The following MYRFL variants were observed in gnomAD, a reference collection of about 807,000 sequenced individuals.
The protein encoded by MYRFL is myelin regulatory factor like.
In MYRFL, 88 loss-of-function variants were observed where a neutral mutation model predicts 109.4. The observed-to-expected ratio is 0.80, with a 90% confidence interval of 0.68 to 0.96. The LOEUF (loss-of-function observed/expected upper bound fraction) is 0.96, where lower values mean the gene tolerates loss of function less well. Ranked by LOEUF, MYRFL falls within the 40% of genes least tolerant of loss-of-function variation. MYRFL has a pLI of 0.00. For synonymous variants in MYRFL, 324 were observed against 320.9 expected (o/e 1.01, Z -0.10); for missense variants, 957 against 954.9 (o/e 1.00, Z -0.03).
intron 19 of MYRFL, among the ~76,000 whole-genome samples, chr12:69,942,619 C>T (rs1469882750): frequency 2.7e-5 from 4 of 150,042 alleles, no homozygotes; most frequent in Non-Finnish European, 4.4e-5. Flanking sequence ...CCTTTGAAAA[C>T]TGGCACAAGA....
At chr12:69,883,438 A>G (rs1439737263) in intron 5 of MYRFL, among the ~76,000 whole-genome samples, 1 of 152,194 alleles carries the variant, frequency 6.6e-6, no homozygotes, top group Admixed American at 6.5e-5. Flanking sequence ...AAAAGATACC[A>G]AATGGCCATC....
chr12:69,869,061 C>T (rs924351786), intron 2 of MYRFL, among the ~76,000 whole-genome samples: 2 of 152,258 alleles, frequency 1.3e-5, no homozygotes, highest in South Asian at 2.1e-4. Flanking sequence ...AAAGTTCATG[C>T]GGAAAGATAA....
intron 5 of MYRFL, among the ~76,000 whole-genome samples, chr12:69,880,701 G>A (rs1886021542): frequency 6.6e-6 from 1 of 152,190 alleles, no homozygotes. Flanking sequence ...TGCAGACTCT[G>A]ATTCAGTCTC....
intron 7 of MYRFL, among the ~76,000 whole-genome samples, chr12:69,891,693 C>CTTTCTTTCTTTCTTTT (rs1566002958): frequency 4.1e-5 from 4 of 98,514 alleles, no homozygotes; most frequent in African/African-American, 1.0e-4. Flanking sequence ...TTCGTTCGTT[C>CTTTCTTTCTTTCTTTT]GTTCTTTCTT....
chr12:69,893,796 A>T lies in MYRFL; in HGVS notation c.936A>T (p.Glu312Asp). Residue 312 changes from glutamate to aspartate, a missense_variant, in exon 8 of 25, where the codon GAA becomes GAT. Physicochemically the swap from Glu to Asp is conservative, Grantham distance 45. Transcript: ENST00000552032. ...VEATNQIIAI[E>D]QSQADRSKKI... ...CTACCAATCAAATAATTGCTATTGA[A>T]CAGTCCCAAGCAGATAGGAGCAAAA... 6.9e-7 allele frequency: 1 copy of T among 1,443,356 alleles called. No individual in the cohort carries two copies. The highest frequency in any genetic ancestry group is 9.1e-7 in the Non-Finnish European group (1 of 1,100,472). 89.4% of individuals were successfully genotyped at this position (1,443,356 alleles called of 1,614,324 possible).
chr12:69,950,378 C>A (rs1476728806), intron 19 of MYRFL, among the ~76,000 whole-genome samples: 2 of 152,148 alleles, frequency 1.3e-5, no homozygotes, highest in Non-Finnish European at 2.9e-5. Flanking sequence ...CTGGACTCAA[C>A]TCTAAAGGGA....
At chr12:69,860,042 C>T (rs1336742882) in intron 2 of MYRFL, among the ~76,000 whole-genome samples, 1 of 152,070 alleles carries the variant, frequency 6.6e-6, no homozygotes, top group East Asian at 1.9e-4. Flanking sequence ...CATCCCATCA[C>T]CTAGGTATTC....
At chr12:69,860,681 A>G (rs1236227715) in intron 2 of MYRFL, among the ~76,000 whole-genome samples, 1 of 151,768 alleles carries the variant, frequency 6.6e-6, no homozygotes, top group Non-Finnish European at 1.5e-5. Context: ...GATTTTTAGT[A>G]TTCCATCTTA....
chr12:69,876,026 C>T (rs1031423364), intron 2 of MYRFL, among the ~76,000 whole-genome samples: 9 of 152,138 alleles, frequency 5.9e-5, no homozygotes, highest in African/African-American at 1.2e-4. Flanking sequence ...TTGGGCTGTG[C>T]GCAGTCTGCC....
At chr12:69,832,500 G>A (rs61930195) in intron 1 of MYRFL, among the ~76,000 whole-genome samples, 16,376 of 152,214 alleles carry the variant, frequency 0.11, 1,217 homozygotes, top group Middle Eastern at 0.18. Context: ...CCGGATGGTG[G>A]TGCAGAGAGT....
chr12:69,913,553 G>A (rs375880242), intron 13 of MYRFL, among the ~76,000 whole-genome samples: 2 of 152,262 alleles, frequency 1.3e-5, no homozygotes, highest in South Asian at 4.1e-4. Context: ...TGAAAAGACT[G>A]TCCTTTTCCC....
Position 69,854,991 on chromosome 12 carries a change from G to C in MYRFL, c.47-289G>C, listed in dbSNP as rs114124409. Among the ~76,000 whole-genome samples, 145 of 152,316 alleles carry C rather than the reference G, an allele frequency of 9.5e-4. 1 individual carries two copies. Among genetic ancestry groups the C allele is most frequent in the African/African-American group, 3.4e-3 (141 of 41,566 alleles). On this transcript the variant is annotated intron_variant, in intron 1 of 24. Transcript: ENST00000552032. Reference sequence around the variant, plus strand: ...CATTTTGTAAACAAGGAAAAGGACAGAACTATTTTGCTACCTTTTGGCAGG... The same window carrying C: ...CATTTTGTAAACAAGGAAAAGGACACAACTATTTTGCTACCTTTTGGCAGG...
chr12:69,861,459 A>G (rs61927977), intron 2 of MYRFL, among the ~76,000 whole-genome samples: 47,468 of 152,010 alleles, frequency 0.31, 7,786 homozygotes, highest in Admixed American at 0.37. Context: ...GTGAGATGGT[A>G]TCTCATTGTG....
chr12:69,910,060 A>G lies in MYRFL; in HGVS notation c.1475A>G (p.Asn492Ser). Residue 492 changes from asparagine to serine, a missense_variant, in exon 12 of 25, where the codon AAC (asparagine) becomes AGC (serine). Coordinates refer to ENST00000552032, the MANE Select transcript of MYRFL (RefSeq NM_182530.3). ...KPEFASAMGI[N>S]TAHQTGMIAQ... ...GAATTTGCATCTGCAATGGGAATAA[A>G]CACTGCCCATCAAACAGGTACACAC... 6.5e-7 allele frequency: 1 copy of G among 1,528,254 alleles called. No homozygotes were observed. The allele number at this position is 1,528,254 out of a possible 1,614,324, so 94.7% of individuals were successfully genotyped here.
intron 9 of MYRFL, among the ~76,000 whole-genome samples, chr12:69,895,697 T>C (rs1953967000): frequency 6.6e-6 from 1 of 152,172 alleles, no homozygotes; most frequent in Non-Finnish European, 1.5e-5. Context: ...AATGCCCACT[T>C]TCCTGCCCTG....
chr12:69,889,319 G>A (rs1305704336), intron 6 of MYRFL, among the ~76,000 whole-genome samples: 1 of 151,896 alleles, frequency 6.6e-6, no homozygotes, highest in Non-Finnish European at 1.5e-5. Flanking sequence ...CAACTTTTAT[G>A]TTCTCTATTT....
At chr12:69,863,393 G>T (rs990194999) in intron 2 of MYRFL, among the ~76,000 whole-genome samples, 1 of 152,052 alleles carries the variant, frequency 6.6e-6, no homozygotes, top group Non-Finnish European at 1.5e-5. Flanking sequence ...ACTCTTTTTG[G>T]TTGGTAAGCT....
chr12:69,920,545 G>A (rs1361906633), intron 13 of MYRFL, among the ~76,000 whole-genome samples: 1 of 151,704 alleles, frequency 6.6e-6, no homozygotes, highest in Non-Finnish European at 1.5e-5. Flanking sequence ...GGCAACTATG[G>A]ATGAAATATA....
chr12:69,853,970 C>T (rs1452559055), intron 1 of MYRFL, among the ~76,000 whole-genome samples: 1 of 152,206 alleles, frequency 6.6e-6, no homozygotes, highest in Non-Finnish European at 1.5e-5. Context: ...GCTGCAATCT[C>T]GGCACTTTGG....
Sources: gnomAD v4.1 joint callset for allele counts (sites outside exome capture counted in the v4.1 genomes callset) on GRCh38, gnomAD v4.1.1 for gene constraint, MANE v1.5 for transcripts, NCBI Gene and HGNC (gene_info 2026-07-23, HGNC 2026-07-21) for gene names.